The following HFM1 variants were observed in gnomAD, a reference collection of about 807,000 sequenced individuals.
HFM1 encodes probable ATP-dependent DNA helicase HFM1.
In HFM1, 169 loss-of-function variants were observed where a neutral mutation model predicts 192.1. That is an observed-to-expected ratio of 0.88 (90% CI 0.78 to 1.00). HFM1 has a LOEUF of 1.00. HFM1 is among the 50% of genes least tolerant of loss of function. The pLI is 0.00. For synonymous variants in HFM1, 525 were observed against 537.8 expected, an observed-to-expected ratio of 0.98 and a Z score of 0.33; for missense variants, 1,661 against 1,668.0, an observed-to-expected ratio of 1.00 and a Z score of 0.07.
chr1:91,290,849 A>G lies in HFM1; in HGVS notation c.3392-13787T>C, dbSNP rs1379480944. Among the ~76,000 whole-genome samples, 8 of 152,218 alleles carry G rather than the reference A, an allele frequency of 5.3e-5. No individual in the cohort carries two copies. The East Asian group carries it at 7.7e-4, about 15-fold the overall frequency. On this transcript the variant is annotated intron_variant, in intron 30 of 38. Coordinates refer to ENST00000370425, the MANE Select transcript of HFM1 (RefSeq NM_001017975.6). ...AAAAGAACAGAAATTATAACAAACTATCTCTCAGACCACAGTGCAATCAAA... is the reference window on the plus strand; with the variant it reads ...AAAAGAACAGAAATTATAACAAACTGTCTCTCAGACCACAGTGCAATCAAA...
intron 33 of HFM1, among the ~76,000 whole-genome samples, 178 bp from the exon 34 acceptor site, chr1:91,273,993 C>G (rs1666563906): frequency 6.6e-6 from 1 of 152,094 alleles, no homozygotes; most frequent in Non-Finnish European, 1.5e-5. Context: ...CCAATACTTT[C>G]CTTTACATGC....
chr1:91,282,451 C>T (rs1386811019), intron 30 of HFM1, among the ~76,000 whole-genome samples: 1 of 151,986 alleles, frequency 6.6e-6, no homozygotes, highest in Non-Finnish European at 1.5e-5. Flanking sequence ...GCTCTTTCAT[C>T]CATTTTCTAT....
intron 4 of HFM1, 58 bp from the exon 5 acceptor site, chr1:91,385,892 G>A (rs1662149970): frequency 2.1e-6 from 3 of 1,428,064 alleles, no homozygotes; most frequent in Non-Finnish European, 2.9e-6. Context: ...CTTGGAATAT[G>A]AAAAACTAGC....
At chr1:91,394,776 T>C (rs1309827622) in intron 3 of HFM1, among the ~76,000 whole-genome samples, 4 of 152,114 alleles carry the variant, frequency 2.6e-5, no homozygotes, top group Non-Finnish European at 4.4e-5. Flanking sequence ...TGACCAATTA[T>C]ATAAAATGTT....
At chr1:91,289,037 G>A (rs1274258188) in intron 30 of HFM1, among the ~76,000 whole-genome samples, 8 of 150,692 alleles carry the variant, frequency 5.3e-5, no homozygotes, top group African/African-American at 1.7e-4. Flanking sequence ...GCAGCTGGCC[G>A]GGCGGGGGCT....
chr1:91,322,333 A>T (rs1476091044), intron 23 of HFM1, among the ~76,000 whole-genome samples: 1 of 152,224 alleles, frequency 6.6e-6, no homozygotes, highest in African/African-American at 2.4e-5. Context: ...TTATTGAGCC[A>T]CATTGAAAAA....
At chr1:91,377,371 A>T (rs552723265) in intron 11 of HFM1, 101 of 152,098 alleles carry the variant, frequency 6.6e-4, no homozygotes, top group African/African-American at 2.4e-3. Context: ...ATTTCTAAGA[A>T]GTAGTAGGGG....
intron 20 of HFM1, among the ~76,000 whole-genome samples, chr1:91,340,305 C>T (rs1285228521): frequency 6.6e-6 from 1 of 152,168 alleles, no homozygotes; most frequent in African/African-American, 2.4e-5. Flanking sequence ...CCACTGTGCC[C>T]AGCCTTGGCA....
intron 13 of HFM1, among the ~76,000 whole-genome samples, chr1:91,358,614 C>T (rs1268554726): frequency 6.6e-6 from 1 of 152,124 alleles, no homozygotes; most frequent in Non-Finnish European, 1.5e-5. Context: ...AAATTGCACC[C>T]TTATACCATA....
chr1:91,266,512 G>C (rs1042262040), intron 35 of HFM1, among the ~76,000 whole-genome samples: 4 of 152,178 alleles, frequency 2.6e-5, no homozygotes, highest in Non-Finnish European at 2.9e-5. Context: ...CATGGTGTGA[G>C]AGTGAGGAAA....
intron 30 of HFM1, among the ~76,000 whole-genome samples, chr1:91,293,113 T>C (rs2100954318): frequency 6.6e-6 from 1 of 152,282 alleles, no homozygotes; most frequent in East Asian, 1.9e-4. Flanking sequence ...GAAGAAAACC[T>C]AGGCATTACC....
chr1:91,382,494 G>C (rs1661669753), intron 6 of HFM1, among the ~76,000 whole-genome samples: 1 of 152,064 alleles, frequency 6.6e-6, no homozygotes, highest in African/African-American at 2.4e-5. Flanking sequence ...GTTAATATAG[G>C]TTTGCAATTA....
At chr1:91,331,811 A>C (rs1017263069) in intron 20 of HFM1, among the ~76,000 whole-genome samples, 4 of 152,098 alleles carry the variant, frequency 2.6e-5, no homozygotes, top group Non-Finnish European at 5.9e-5. Flanking sequence ...CAGGAGAATC[A>C]CTTGAACCCG....
At position 91,389,850 on chromosome 1, in the gene HFM1, A is replaced by G. The variant is rs533282027; in HGVS notation, c.495-4016T>C. 4.5e-4 allele frequency among the ~76,000 whole-genome samples: 68 copies of G among 152,316 alleles called. No individual in the cohort carries two copies. The South Asian group carries it at 0.013, about 30-fold the overall frequency. ...ACTGGACAGAATGTGGAGAAACTGGAACTCTCAAATATTGCTGATGGGACT... is the reference window on the plus strand; with the variant it reads ...ACTGGACAGAATGTGGAGAAACTGGGACTCTCAAATATTGCTGATGGGACT... On this transcript the variant is annotated intron_variant, in intron 4 of 38. Transcript: ENST00000370425.
intron 20 of HFM1, chr1:91,328,572 G>A (rs571522573): frequency 2.0e-5 from 33 of 1,610,768 alleles, no homozygotes; most frequent in South Asian, 1.5e-4. Flanking sequence ...CCAGCCACCT[G>A]ATAGGCATGT....
rs1336225799 is a variant in HFM1, at chr1:91,365,244, A to C, written c.1685+10114T>G. ...TGGGGAGATGTAGGTCAAAGGATAT[A>C]CAGAAAAGCAGATACATAGTGTGAA... On this transcript the variant is annotated intron_variant, in intron 13 of 38. Transcript: ENST00000370425. Among the ~76,000 whole-genome samples, 4 of 152,178 alleles carry C rather than the reference A, an allele frequency of 2.6e-5. No homozygotes were observed. The East Asian group carries it at 7.7e-4, about 29-fold the overall frequency.
chr1:91,300,796 G>C (rs372271232), intron 30 of HFM1, among the ~76,000 whole-genome samples: 52 of 152,196 alleles, frequency 3.4e-4, no homozygotes, highest in Non-Finnish European at 5.6e-4. Flanking sequence ...AAAGTAATAA[G>C]AGCTATCTAT....
At chr1:91,265,216 A>G (rs567293373) in intron 36 of HFM1, among the ~76,000 whole-genome samples, 2 of 152,326 alleles carry the variant, frequency 1.3e-5, no homozygotes, top group Admixed American at 1.3e-4. Flanking sequence ...CATACAGGTA[A>G]AAACTAGAGG....
In HFM1 at chr1:91,316,475, A is replaced by AC. The variant is rs1225344290; in HGVS notation, c.2813dup (p.Ile939TyrfsTer16). The AC allele has an allele frequency of 7.1e-7, 1 of 1,404,702 alleles. No individual in the cohort carries two copies. The allele number at this position is 1,404,702 out of a possible 1,614,324, so 87.0% of individuals were successfully genotyped here. ...TTACGATTGCATTTGACAATGTTAT[A>AC]CCTGTGGAAAATTAATCAAACAACA... On this transcript the variant is annotated frameshift_variant and splice_region_variant, in exon 26 of 39. Transcript: ENST00000370425. LOFTEE classifies it high-confidence loss of function.
Sources: allele counts gnomAD v4.1 joint callset (sites outside exome capture counted in the v4.1 genomes callset), GRCh38; gene constraint gnomAD v4.1.1; transcripts MANE v1.5; gene names NCBI Gene and HGNC (gene_info 2026-07-23, HGNC 2026-07-21).